Variants in GNB5 observed in about 807,000 individuals in gnomAD.
The protein encoded by GNB5 is G protein subunit beta 5, also known as guanine nucleotide-binding protein subunit beta-5.
Under a neutral mutation model 55.3 loss-of-function variants are expected in GNB5, and 37 were observed. The ratio of observed to expected loss-of-function variants is 0.67; its 90% CI spans 0.51 to 0.88. The LOEUF (loss-of-function observed/expected upper bound fraction) is 0.88, where lower values mean the gene tolerates loss of function less well. GNB5 is among the 40% of genes least tolerant of loss of function. The pLI is 0.00. For missense variants in GNB5, 476 were observed against 515.3 expected (o/e 0.92, Z 0.74); for synonymous variants, 219 against 198.5 (o/e 1.10, Z -0.87).
In GNB5 at chr15:52,145,476, C is replaced by CA. The variant is rs71130134; in HGVS notation, c.494+1982dup. 5.8e-3 allele frequency among the ~76,000 whole-genome samples: 838 copies of CA among 144,250 alleles called. 18 individuals carry two copies. Among genetic ancestry groups the CA allele is most frequent in the Admixed American group, 0.025 (364 of 14,628 alleles). The allele number at this position is 144,250 out of a possible 152,430, so 94.6% of individuals were successfully genotyped here. On this transcript the variant is annotated intron_variant, in intron 6 of 12. Transcript: ENST00000261837. Reference sequence around the variant, plus strand: ...CCAACATGGTAAAACCCCATCTCTGCAAAAAAAAAAATACAAAAATTAGCC... The same window carrying CA: ...CCAACATGGTAAAACCCCATCTCTGCAAAAAAAAAAAATACAAAAATTAGCC...
chr15:52,156,332 C>T (rs543255478), intron 3 of GNB5, among the ~76,000 whole-genome samples: 14 of 152,352 alleles, frequency 9.2e-5, no homozygotes, highest in Non-Finnish European at 1.9e-4. Flanking sequence ...TCAGCTGTTT[C>T]TCCATGGAAC....
At chr15:52,148,062 A>G (rs1412677394) in intron 5 of GNB5, among the ~76,000 whole-genome samples, 4 of 145,542 alleles carry the variant, frequency 2.7e-5, no homozygotes, top group Non-Finnish European at 6.0e-5. Flanking sequence ...AGCAAAAGCA[A>G]AAAAAAAAAA....
chr15:52,150,312 G>A (rs1206983926), intron 4 of GNB5, among the ~76,000 whole-genome samples: 1 of 152,188 alleles, frequency 6.6e-6, no homozygotes, highest in South Asian at 2.1e-4. Context: ...TTAGGCACCT[G>A]ACAGGTAAAT....
At chr15:52,171,234 T>G (rs985870925) in intron 3 of GNB5, among the ~76,000 whole-genome samples, 5 of 152,092 alleles carry the variant, frequency 3.3e-5, no homozygotes, top group African/African-American at 1.2e-4. Context: ...TTTTTAATGA[T>G]GACATTAAAA....
At chr15:52,137,508 G>C in intron 7 of GNB5, 1 of 1,016,404 alleles carries the variant, frequency 9.8e-7, no homozygotes, top group South Asian at 3.9e-5. Flanking sequence ...AGGAGAATGA[G>C]AAAAGCAAAC....
At position 52,164,222 on chromosome 15, in the gene GNB5, C is replaced by A. The variant is rs186009569; in HGVS notation, c.239-10146G>T. Among the ~76,000 whole-genome samples, 441 of 148,784 alleles carry A rather than the reference C, an allele frequency of 3.0e-3. 3 individuals carry two copies. Among genetic ancestry groups the A allele is most frequent in the African/African-American group, 0.01 (422 of 40,326 alleles). ...ACTCGGGGGGCTGAGGCAGGAGAAT[C>A]GCTTGAACCTGGGAGGCAGAGGTTG... On this transcript the variant is annotated intron_variant, in intron 3 of 12. Transcript: ENST00000261837.
intron 3 of GNB5, among the ~76,000 whole-genome samples, chr15:52,169,189 G>A (rs773591101): frequency 5.9e-5 from 9 of 151,838 alleles, no homozygotes; most frequent in Admixed American, 3.9e-4. Context: ...GTGTGGTGGC[G>A]TATGCTTGTA....
rs565636542 is a variant in GNB5, at chr15:52,124,604, T to C, written c.1045A>G (p.Ile349Val). The part of the protein sequence containing the change: ...LLFAGYNDYT[I>V]NVWDVLKGSR... ...CCTTTGAGAACATCCCAGACGTTGA[T>C]AGTGTAATCATTGTATCCAGCAAAC... Residue 349 changes from isoleucine (I) to valine (V), a missense_variant, in exon 12 of 13, where the codon ATC becomes GTC. Ile to Val is a conservative substitution (Grantham distance 29). Coordinates refer to ENST00000261837, the MANE Select transcript of GNB5 (RefSeq NM_016194.4). The C allele has an allele frequency of 3.7e-6, 6 of 1,614,098 alleles. No individual in the cohort carries two copies. Among genetic ancestry groups the C allele is most frequent in the East Asian group, 2.2e-5 (1 of 44,886 alleles).
intron 5 of GNB5, 37 bp from the exon 6 acceptor site, chr15:52,147,572 A>G (rs766785026): frequency 8.8e-7 from 1 of 1,133,302 alleles, no homozygotes; most frequent in Non-Finnish European, 1.3e-6. Context: ...TAGCACTTCC[A>G]CACAAAAATC....
chr15:52,188,798 T>C (rs1005165240), intron 1 of GNB5, among the ~76,000 whole-genome samples: 2 of 152,216 alleles, frequency 1.3e-5, no homozygotes, highest in African/African-American at 4.8e-5. Flanking sequence ...CGTGTTTATT[T>C]TAAAAAGAAC....
chr15:52,159,170 C>A (rs539706376), intron 3 of GNB5, among the ~76,000 whole-genome samples: 1 of 152,228 alleles, frequency 6.6e-6, no homozygotes, highest in South Asian at 2.1e-4. Context: ...GGGGTAGGTG[C>A]AGGCAAGTAA....
chr15:52,152,129 T>C (rs1462768440), intron 4 of GNB5, among the ~76,000 whole-genome samples: 2 of 149,668 alleles, frequency 1.3e-5, no homozygotes, highest in African/African-American at 4.9e-5. Flanking sequence ...GTAGGTAATC[T>C]AGGAGAGTAA....
At chr15:52,160,953 G>C (rs1369668730) in intron 3 of GNB5, among the ~76,000 whole-genome samples, 1 of 152,180 alleles carries the variant, frequency 6.6e-6, no homozygotes, top group Non-Finnish European at 1.5e-5. Flanking sequence ...TCAATTCGTG[G>C]AATTACTGAG....
rs2033141889 is a variant in GNB5, at chr15:52,116,354, A to T, written c.*6403T>A. 1.3e-5 allele frequency: 2 copies of T among 152,208 alleles called. No individual in the cohort carries two copies. Among genetic ancestry groups the T allele is most frequent in the Non-Finnish European group, 2.9e-5 (2 of 68,036 alleles). The allele number at this position is 152,208 out of a possible 1,614,324, so 9.4% of individuals were successfully genotyped here. On this transcript the variant is annotated 3_prime_UTR_variant, in exon 13 of 13. Coordinates refer to ENST00000261837, the MANE Select transcript of GNB5 (RefSeq NM_016194.4). The stretch of plus-strand genomic sequence containing the variant: ...AAACGCTCATACCATACTTACGATT[A>T]GTTGTTTATGTGGGTTAAATTAACC...
chr15:52,177,151 C>T (rs1364479209), intron 3 of GNB5, among the ~76,000 whole-genome samples: 1 of 150,944 alleles, frequency 6.6e-6, no homozygotes, highest in African/African-American at 2.4e-5. Context: ...TCTCCTGCCT[C>T]AGCCTCCCAA....
intron 4 of GNB5, among the ~76,000 whole-genome samples, chr15:52,151,475 C>A (rs2034095951): frequency 6.6e-6 from 1 of 152,204 alleles, no homozygotes; most frequent in Non-Finnish European, 1.5e-5. Flanking sequence ...ATCCCCAAGC[C>A]TTAATCCCAC....
chr15:52,163,238 C>A (rs1270885492), intron 3 of GNB5, among the ~76,000 whole-genome samples: 1 of 152,240 alleles, frequency 6.6e-6, no homozygotes, highest in Non-Finnish European at 1.5e-5. Flanking sequence ...AAGCACAGAG[C>A]TCTGCAGACT....
Position 52,122,003 on chromosome 15 carries a change from T to C in GNB5, c.*754A>G, listed in dbSNP as rs938259664. On this transcript the variant is annotated 3_prime_UTR_variant, in exon 13 of 13. Coordinates refer to ENST00000261837, the MANE Select transcript of GNB5 (RefSeq NM_016194.4). ...CTTGTGTTCCCACACAGAAGACTTTTCTTTGCTCTCAGAAGCATTTGTTTA... is the reference window on the plus strand; with the variant it reads ...CTTGTGTTCCCACACAGAAGACTTTCCTTTGCTCTCAGAAGCATTTGTTTA... The C allele has an allele frequency of 3.9e-5, 6 of 152,214 alleles. No individual in the cohort carries two copies. Among genetic ancestry groups the C allele is most frequent in the South Asian group, 4.1e-4 (2 of 4,832 alleles). The allele number at this position is 152,214 out of a possible 1,614,324, so 9.4% of individuals were successfully genotyped here. A position where few individuals can be genotyped will look rare whatever the true frequency, so the allele number is the denominator to read the frequency against.
chr15:52,135,498 C>A, intron 8 of GNB5, 115 bp downstream of exon 8: 2 of 915,552 alleles, frequency 2.2e-6, no homozygotes. Context: ...GAGAACAATT[C>A]CTGCAGCCCC....
Sources: gnomAD v4.1 joint callset for allele counts (sites outside exome capture counted in the v4.1 genomes callset) on GRCh38, gnomAD v4.1.1 for gene constraint, MANE v1.5 for transcripts, NCBI Gene and HGNC (gene_info 2026-07-23, HGNC 2026-07-21) for gene names.